COL28A1: variants seen among roughly 807,000 people sequenced by gnomAD.
The protein encoded by COL28A1 is collagen type XXVIII alpha 1 chain, also known as collagen alpha-1(XXVIII) chain.
In COL28A1, 161 loss-of-function variants were observed where a neutral mutation model predicts 150.2. The ratio of observed to expected loss-of-function variants is 1.07; its 90% CI spans 0.94 to 1.22. COL28A1 has a LOEUF of 1.22. Ranked by LOEUF, COL28A1 falls within the 50% of genes most tolerant of loss-of-function variation. The pLI is 0.00. For missense variants in COL28A1, 1,617 were observed against 1,388.3 expected, an observed-to-expected ratio of 1.16 and a Z score of -2.62; for synonymous variants, 552 against 469.7, an observed-to-expected ratio of 1.18 and a Z score of -2.26.
Position 7,480,545 on chromosome 7 carries a change from T to G in COL28A1, c.1165-3365A>C, listed in dbSNP as rs74573247. On this transcript the variant is annotated intron_variant, in intron 13 of 34. Transcript: ENST00000399429. ...AGTGCCAAGCCAACATCACATACTT[T>G]AACAAAGAAAACACATACTTTAACA... Among the ~76,000 whole-genome samples the G allele has an allele frequency of 8.7e-3, 1,320 of 152,256 alleles. 9 individuals are homozygous for G. Among genetic ancestry groups the G allele is most frequent in the Middle Eastern group, 0.017 (5 of 294 alleles).
chr7:7,529,024 C>T (rs1359665206), intron 3 of COL28A1, among the ~76,000 whole-genome samples: 20 of 151,858 alleles, frequency 1.3e-4, no homozygotes, highest in South Asian at 1.3e-3. Flanking sequence ...GTTCTGGGCC[C>T]GGCGCGATGG....
Position 7,379,899 on chromosome 7 carries a change from G to A in COL28A1, c.2322+761C>T, listed in dbSNP as rs532193952. On this transcript the variant is annotated intron_variant, in intron 30 of 34. Transcript: ENST00000399429. ...GGCAGACAGCCCGCAGAACACATGT[G>A]CAGTTCTGTTGGTCACATGCCCAGC... is the stretch of plus-strand genomic sequence containing the variant. Among the ~76,000 whole-genome samples the A allele has an allele frequency of 3.5e-4, 54 of 152,278 alleles. 1 individual carries two copies. Among genetic ancestry groups the A allele is most frequent in the Non-Finnish European group, 6.9e-4 (47 of 68,028 alleles).
chr7:7,368,398 G>GTT (rs200123294), intron 33 of COL28A1, among the ~76,000 whole-genome samples: 2 of 97,830 alleles, frequency 2.0e-5, no homozygotes, highest in Admixed American at 9.8e-5. Flanking sequence ...TGTTTTTTTT[G>GTT]TTTTTTGCTA....
At chr7:7,472,120 G>C (rs922022169) in intron 15 of COL28A1, among the ~76,000 whole-genome samples, 6 of 152,110 alleles carry the variant, frequency 3.9e-5, no homozygotes, top group African/African-American at 1.2e-4. Flanking sequence ...ACAAGACAAG[G>C]ATGCCCACTC....
At chr7:7,529,376 G>A (rs944056030) in intron 3 of COL28A1, among the ~76,000 whole-genome samples, 1 of 151,912 alleles carries the variant, frequency 6.6e-6, no homozygotes, top group Admixed American at 6.6e-5. Context: ...TCTTTGAAGA[G>A]CCTAATAAGC....
chr7:7,501,442 G>A (rs527418650), intron 11 of COL28A1, among the ~76,000 whole-genome samples: 2 of 152,302 alleles, frequency 1.3e-5, no homozygotes, highest in East Asian at 3.9e-4. Flanking sequence ...ACACGCCACT[G>A]TGCAGTCCCT....
At chr7:7,463,572 A>C (rs1036174453) in intron 15 of COL28A1, among the ~76,000 whole-genome samples, 1 of 152,218 alleles carries the variant, frequency 6.6e-6, no homozygotes, top group Non-Finnish European at 1.5e-5. Flanking sequence ...ACTGAAACTA[A>C]GCTTCATAAA....
chr7:7,506,992 A>G, intron 10 of COL28A1, 125 bp downstream of exon 10: 1 of 627,164 alleles, frequency 1.6e-6, no homozygotes, highest in South Asian at 2.2e-5. Flanking sequence ...AACAATATTA[A>G]TGCCTGGCTT....
At chr7:7,441,157 A>G (rs1281274611) in intron 20 of COL28A1, among the ~76,000 whole-genome samples, 1 of 152,218 alleles carries the variant, frequency 6.6e-6, no homozygotes, top group Non-Finnish European at 1.5e-5. Flanking sequence ...CCCTTGGTCT[A>G]TTAACAGATG....
chr7:7,362,945 T>C (rs115307978), intron 33 of COL28A1, among the ~76,000 whole-genome samples: 1,534 of 152,242 alleles, frequency 0.01, 20 homozygotes, highest in African/African-American at 0.029. Flanking sequence ...ATCCTCCACA[T>C]TGGCCTCCTG....
chr7:7,380,674 C>A lies in COL28A1; in HGVS notation c.2308G>T (p.Asp770Tyr). 6.2e-7 allele frequency: 1 copy of A among 1,613,712 alleles called. No individual in the cohort carries two copies. Among genetic ancestry groups the A allele is most frequent in the Non-Finnish European group, 8.5e-7 (1 of 1,179,638 alleles). The change falls in exon 30 of 35, where the codon GAC becomes TAC. Residue 770 changes from aspartate to tyrosine, a missense_variant. Asp to Tyr is a radical substitution (Grantham distance 160, BLOSUM62 -3). Transcript: ENST00000399429. The part of the protein sequence containing the change: ...GKQGLQGPKG[D>Y]LGLTKEEIIK... ...TGGATACTCACTGTAAGTCCTAGGT[C>A]TCCTTTGGGTCCTTGTAAACCCTAC...
At chr7:7,435,226 G>C (rs1341224497) in intron 23 of COL28A1, among the ~76,000 whole-genome samples, 5 of 152,208 alleles carry the variant, frequency 3.3e-5, no homozygotes, top group African/African-American at 1.2e-4. Flanking sequence ...TATGTAGAGA[G>C]AGATGTATAA....
intron 14 of COL28A1, among the ~76,000 whole-genome samples, chr7:7,475,612 T>C (rs1788802195): frequency 6.6e-6 from 1 of 152,236 alleles, no homozygotes; most frequent in Non-Finnish European, 1.5e-5. Context: ...TGAAATACCC[T>C]GGAATATTCT....
intron 34 of COL28A1, 92 bp from the exon 35 acceptor site, chr7:7,358,897 ATTC>A: frequency 9.4e-7 from 1 of 1,068,640 alleles, no homozygotes; most frequent in Non-Finnish European, 1.3e-6. Context: ...AATAAACTTT[ATTC>A]TTCATGCACA....
At chr7:7,429,880 G>C (rs150498962) in intron 25 of COL28A1, among the ~76,000 whole-genome samples, 5 of 152,188 alleles carry the variant, frequency 3.3e-5, no homozygotes, top group Non-Finnish European at 7.4e-5. Context: ...TTCCGCGTGG[G>C]CTCACTCAGA....
At chr7:7,505,729 TAAATA>T (rs1224757171) in intron 11 of COL28A1, among the ~76,000 whole-genome samples, 1 of 152,180 alleles carries the variant, frequency 6.6e-6, no homozygotes, top group Non-Finnish European at 1.5e-5. Flanking sequence ...AGCCATAAAA[TAAATA>T]AAAGTCAGGA....
At chr7:7,404,187 T>C (rs1783374103) in intron 27 of COL28A1, among the ~76,000 whole-genome samples, 1 of 152,030 alleles carries the variant, frequency 6.6e-6, no homozygotes, top group African/African-American at 2.4e-5. Context: ...AATCAGTCAG[T>C]GAAAGACACA....
intron 30 of COL28A1, among the ~76,000 whole-genome samples, chr7:7,380,207 AT>A (rs1230766725): frequency 6.6e-6 from 1 of 152,176 alleles, no homozygotes; most frequent in Non-Finnish European, 1.5e-5. Context: ...GAAAATACTT[AT>A]TGAATAATTG....
chr7:7,456,231 C>A, intron 15 of COL28A1, 119 bp from the exon 16 acceptor site: 1 of 1,293,618 alleles, frequency 7.7e-7, no homozygotes, highest in Non-Finnish European at 1.0e-6. Context: ...AAAAATTCAA[C>A]ATGGAAAATT....
Sources: allele counts gnomAD v4.1 joint callset (sites outside exome capture counted in the v4.1 genomes callset), GRCh38; gene constraint gnomAD v4.1.1; transcripts MANE v1.5; gene names NCBI Gene and HGNC (gene_info 2026-07-23, HGNC 2026-07-21).